The following EPS15 variants were observed in gnomAD, a reference collection of about 807,000 sequenced individuals.
The protein encoded by EPS15 is epidermal growth factor receptor substrate 15.
A neutral mutation model predicts 113.8 loss-of-function variants in EPS15; 72 were observed. The observed-to-expected ratio is 0.63, with a 90% CI of 0.52 to 0.77. The LOEUF is 0.77. EPS15 is among the 30% of genes least tolerant of loss of function. The probability of loss-of-function intolerance (pLI) is 0.00; values close to 1 mark genes in which losing one functional copy is unlikely to be tolerated. For synonymous variants in EPS15, 344 were observed against 363.4 expected (o/e 0.95, Z 0.61); for missense variants, 1,048 against 1,045.8 (o/e 1.00, Z -0.03).
intron 7 of EPS15, among the ~76,000 whole-genome samples, chr1:51,462,800 T>C (rs1292947874): frequency 6.6e-6 from 1 of 151,950 alleles, no homozygotes; most frequent in Non-Finnish European, 1.5e-5. Context: ...GGTTAAGATG[T>C]TAAATTTCAT....
At chr1:51,501,824 A>G (rs1341009821) in intron 1 of EPS15, among the ~76,000 whole-genome samples, 1 of 152,156 alleles carries the variant, frequency 6.6e-6, no homozygotes, top group African/African-American at 2.4e-5. Context: ...GCAAAAGGCT[A>G]AGTGAACTTC....
Position 51,378,576 on chromosome 1 carries a change from C to T in EPS15, c.2120-12547G>A, listed in dbSNP as rs369960990. Among the ~76,000 whole-genome samples the T allele has an allele frequency of 1.8e-4, 27 of 152,268 alleles. No individual in the cohort carries two copies. The East Asian group carries it at 4.0e-3, about 23-fold the overall frequency. On this transcript the variant is annotated intron_variant, in intron 21 of 24. Coordinates refer to ENST00000371733, the MANE Select transcript of EPS15 (RefSeq NM_001981.3). ...CATCCAAGGAAGGAGTTGTAAGATA[C>T]ACATTTTAAAACAAGAATTTTGCAT...
At chr1:51,498,090 C>T (rs913938911) in intron 1 of EPS15, among the ~76,000 whole-genome samples, 3 of 151,882 alleles carry the variant, frequency 2.0e-5, no homozygotes, top group African/African-American at 7.3e-5. Context: ...TCCAACTAGT[C>T]GATAAGATAA....
At chr1:51,471,648 G>T (rs201346376) in intron 4 of EPS15, 42 bp downstream of exon 4, 10 of 1,459,090 alleles carry the variant, frequency 6.9e-6, no homozygotes, top group South Asian at 4.8e-5. Flanking sequence ...TTTTTATTTT[G>T]AATCACTCAA....
intron 12 of EPS15, among the ~76,000 whole-genome samples, chr1:51,424,121 C>T (rs960455392): frequency 1.3e-5 from 2 of 152,056 alleles, no homozygotes; most frequent in African/African-American, 4.8e-5. Context: ...TTTATTAGCA[C>T]AACCAAGTAG....
At chr1:51,375,000 T>TA (rs1646760104) in intron 21 of EPS15, among the ~76,000 whole-genome samples, 1 of 135,852 alleles carries the variant, frequency 7.4e-6, no homozygotes, top group African/African-American at 2.9e-5. Context: ...ATACTTCTTT[T>TA]TTTTTTTTTT....
chr1:51,424,082 T>A (rs576526229), intron 12 of EPS15, among the ~76,000 whole-genome samples: 1 of 152,368 alleles, frequency 6.6e-6, no homozygotes, highest in East Asian at 1.9e-4. Context: ...CATGTTTATC[T>A]AATAAAATTC....
chr1:51,398,244 G>A (rs914082754), intron 20 of EPS15, among the ~76,000 whole-genome samples: 8 of 152,110 alleles, frequency 5.3e-5, no homozygotes, highest in African/African-American at 1.9e-4. Flanking sequence ...TAGTAGAGAC[G>A]AGTTTTCACC....
At chr1:51,430,180 A>G (rs1219531248) in intron 12 of EPS15, among the ~76,000 whole-genome samples, 2 of 152,178 alleles carry the variant, frequency 1.3e-5, no homozygotes, top group Non-Finnish European at 2.9e-5. Context: ...AGAAGCCTTG[A>G]GCTAGATTAC....
intron 21 of EPS15, among the ~76,000 whole-genome samples, chr1:51,382,565 CCCA>C (rs770969899): frequency 8.3e-4 from 126 of 151,728 alleles, no homozygotes; most frequent in Non-Finnish European, 1.2e-3. Context: ...ATGACAGGCG[CCCA>C]CCACCACGCC....
At chr1:51,375,162 C>G (rs189600124) in intron 21 of EPS15, among the ~76,000 whole-genome samples, 1 of 151,660 alleles carries the variant, frequency 6.6e-6, no homozygotes, top group Non-Finnish European at 1.5e-5. Context: ...CCACCACGCC[C>G]GGCTAATTTT....
chr1:51,446,408 A>C (rs1653049595), intron 10 of EPS15, among the ~76,000 whole-genome samples: 1 of 151,912 alleles, frequency 6.6e-6, no homozygotes, highest in Non-Finnish European at 1.5e-5. Context: ...TATAAACAGA[A>C]GCTGGATTTT....
intron 7 of EPS15, chr1:51,463,375 G>T: frequency 5.2e-6 from 1 of 192,924 alleles, no homozygotes; most frequent in Non-Finnish European, 1.0e-5. Flanking sequence ...ATGGTCTCTA[G>T]AAATTAACTC....
chr1:51,459,727 C>A (rs1213113388), intron 8 of EPS15, among the ~76,000 whole-genome samples: 2 of 151,606 alleles, frequency 1.3e-5, no homozygotes, highest in Non-Finnish European at 2.9e-5. Context: ...GTAACAAAAA[C>A]CAACCAAACT....
intron 1 of EPS15, among the ~76,000 whole-genome samples, chr1:51,495,903 G>A (rs768122171): frequency 6.6e-6 from 1 of 152,098 alleles, no homozygotes; most frequent in Non-Finnish European, 1.5e-5. Context: ...AACAGCTTAG[G>A]CAAGGAGAAA....
At chr1:51,417,019 T>A (rs1650283079) in intron 13 of EPS15, among the ~76,000 whole-genome samples, 1 of 152,042 alleles carries the variant, frequency 6.6e-6, no homozygotes, top group Non-Finnish European at 1.5e-5. Context: ...AAAGGAAGCC[T>A]AATAAACTAG....
intron 5 of EPS15, among the ~76,000 whole-genome samples, chr1:51,466,546 C>T (rs943766003): frequency 2.0e-5 from 3 of 151,512 alleles, no homozygotes; most frequent in African/African-American, 4.9e-5. Context: ...TCACTTGAAC[C>T]TAGGGGGTGG....
At chr1:51,429,643 G>GTTTTTTTTT (rs57230294) in intron 12 of EPS15, among the ~76,000 whole-genome samples, 1 of 129,966 alleles carries the variant, frequency 7.7e-6, no homozygotes, top group Non-Finnish European at 1.7e-5. Context: ...GTTGTTGTTG[G>GTTTTTTTTT]TTTTTTTTTT....
At chr1:51,414,848 T>A (rs1194925539) in intron 13 of EPS15, among the ~76,000 whole-genome samples, 1 of 152,190 alleles carries the variant, frequency 6.6e-6, no homozygotes, top group Non-Finnish European at 1.5e-5. Context: ...ATATACAGTA[T>A]GATCACAAAT....
Sources: allele counts gnomAD v4.1 joint callset (sites outside exome capture counted in the v4.1 genomes callset), GRCh38; gene constraint gnomAD v4.1.1; transcripts MANE v1.5; gene names NCBI Gene and HGNC (gene_info 2026-07-23, HGNC 2026-07-21).